The following TRMT61B variants were observed in gnomAD, a reference collection of about 807,000 sequenced individuals.
TRMT61B encodes the protein tRNA methyltransferase 61B.
TRMT61B carries 56 observed loss-of-function variants against 52.0 expected under a neutral mutation model. That is an observed-to-expected ratio of 1.08 (90% CI 0.87 to 1.35). TRMT61B has a LOEUF of 1.35. Ranked by LOEUF, TRMT61B falls within the 40% of genes most tolerant of loss-of-function variation. The pLI is 0.00. For synonymous variants in TRMT61B, 206 were observed against 220.0 expected (o/e 0.94, Z 0.56); for missense variants, 650 against 577.9 (o/e 1.12, Z -1.28).
chr2:28,855,643 G>C (rs536925068), intron 3 of TRMT61B, among the ~76,000 whole-genome samples: 2 of 152,142 alleles, frequency 1.3e-5, no homozygotes, highest in Non-Finnish European at 2.9e-5. Flanking sequence ...TAAGAATTCA[G>C]GTTTGGACAT....
chr2:28,867,030 C>T (rs1452793765), intron 1 of TRMT61B, among the ~76,000 whole-genome samples: 1 of 152,044 alleles, frequency 6.6e-6, no homozygotes, highest in Admixed American at 6.6e-5. Context: ...AACTCCTAGC[C>T]TCCAGCAATC....
chr2:28,860,826 G>A (rs959812341), intron 3 of TRMT61B, among the ~76,000 whole-genome samples: 10 of 152,150 alleles, frequency 6.6e-5, no homozygotes, highest in Non-Finnish European at 8.8e-5. Flanking sequence ...TCCAAAGTAT[G>A]ATTCATCCTA....
At chr2:28,861,677 T>C (rs1203586839) in intron 2 of TRMT61B, among the ~76,000 whole-genome samples, 1 of 152,262 alleles carries the variant, frequency 6.6e-6, no homozygotes, top group African/African-American at 2.4e-5. Flanking sequence ...TTATATTCAC[T>C]GTATGGCTAC....
intron 3 of TRMT61B, 103 bp from the exon 4 acceptor site, chr2:28,852,602 G>A (rs1316572075): frequency 2.8e-6 from 2 of 720,780 alleles, no homozygotes; most frequent in East Asian, 5.4e-5. Flanking sequence ...AGCAATCAAA[G>A]TATTTCATTT....
intron 3 of TRMT61B, among the ~76,000 whole-genome samples, chr2:28,857,239 C>CT (rs1174734351): frequency 7.9e-6 from 1 of 127,274 alleles, no homozygotes; most frequent in African/African-American, 2.7e-5. Flanking sequence ...TGGCCCACAG[C>CT]TATTTTTTTT....
Position 28,869,648 on chromosome 2 carries a change from C to T in TRMT61B, c.630G>A (p.Met210Ile). Residue 210 changes from methionine (M) to isoleucine (I), a missense_variant, in exon 1 of 7, where the codon ATG becomes ATA. Met to Ile is a conservative substitution (Grantham distance 10, BLOSUM62 1). Coordinates refer to ENST00000306108, the MANE Select transcript of TRMT61B (RefSeq NM_017910.4). ...AGTCTTCCAAGGCTGGCCTCCTCAG[C>T]ATGTACTGCTTACCGAAGGAACTCC... is the stretch of plus-strand genomic sequence containing the variant. ...ILRSSFGKQY[M>I]LRRPALEDYV... The T allele has an allele frequency of 6.2e-7, 1 of 1,614,182 alleles. No homozygotes were observed. The highest frequency in any genetic ancestry group is 8.5e-7 in the Non-Finnish European group (1 of 1,180,030).
At chr2:28,852,165 C>G (rs11690571) in intron 4 of TRMT61B, among the ~76,000 whole-genome samples, 1 of 149,996 alleles carries the variant, frequency 6.7e-6, no homozygotes, top group Non-Finnish European at 1.5e-5. Context: ...TAGAAAAAAT[C>G]AGCCGGGCGT....
chr2:28,869,290 T>G (rs1052150433), intron 1 of TRMT61B, among the ~76,000 whole-genome samples: 1 of 152,190 alleles, frequency 6.6e-6, no homozygotes, highest in Non-Finnish European at 1.5e-5. Flanking sequence ...TAGTACTTAT[T>G]ATGTACGTAG....
chr2:28,870,238 G>A lies in TRMT61B; in HGVS notation c.40C>T (p.Leu14=), dbSNP rs771836223. 17 of 1,608,822 alleles carry A rather than the reference G, an allele frequency of 1.1e-5. No individual in the cohort carries two copies. Among genetic ancestry groups the A allele is most frequent in the Non-Finnish European group, 1.4e-5 (16 of 1,178,984 alleles). The change falls in exon 1 of 7, where the codon CTG becomes TTG. Residue 14 remains leucine (L), a synonymous_variant. Coordinates refer to ENST00000306108, the MANE Select transcript of TRMT61B (RefSeq NM_017910.4). ...AWCRGPVLLC[L]RQGLGTNSFL... ...GAATTGGTTCCGAGCCCCTGCCGCA[G>A]GCACAGCAAGACAGGACCGCGGCAC...
At position 28,870,104 on chromosome 2, in the gene TRMT61B, T is replaced by A. The variant is rs745998469; in HGVS notation, c.174A>T (p.Gln58His). ...RDGEREHEAA[Q>H]RKAPGAESCP... The stretch of plus-strand genomic sequence containing the variant: ...AAGACTCTGCTCCTGGGGCTTTCCT[T>A]TGTGCCGCCTCGTGCTCTCTTTCTC... Residue 58 changes from glutamine to histidine, a missense_variant, in exon 1 of 7, where the codon CAA (glutamine) becomes CAT (histidine). Transcript: ENST00000306108. The A allele has an allele frequency of 6.2e-7, 1 of 1,614,046 alleles. No homozygotes were observed. Among genetic ancestry groups the A allele is most frequent in the South Asian group, 1.1e-5 (1 of 91,078 alleles).
At chr2:28,867,129 A>G (rs1014826461) in intron 1 of TRMT61B, among the ~76,000 whole-genome samples, 1 of 148,568 alleles carries the variant, frequency 6.7e-6, no homozygotes, top group Non-Finnish European at 1.5e-5. Context: ...AGGATCTTAC[A>G]CTGTTGCCCA....
rs1669006153 is a variant in TRMT61B at position 28,850,069 on chromosome 2, A to C, written c.*130T>G. ...ACATCTTTTAGTTGTTATTTTCAAA[A>C]TTATATGTATAAGTTATATAAGTCA... is the stretch of plus-strand genomic sequence containing the variant. On this transcript the variant is annotated 3_prime_UTR_variant, in exon 7 of 7. Coordinates refer to ENST00000306108, the MANE Select transcript of TRMT61B (RefSeq NM_017910.4). 8.6e-7 allele frequency: 1 copy of C among 1,164,260 alleles called. No homozygotes were observed. Among genetic ancestry groups the C allele is most frequent in the Non-Finnish European group, 1.2e-6 (1 of 809,078 alleles). The allele number at this position is 1,164,260 out of a possible 1,614,324, so 72.1% of individuals were successfully genotyped here.
intron 3 of TRMT61B, among the ~76,000 whole-genome samples, chr2:28,855,517 G>A (rs749814477): frequency 1.4e-4 from 21 of 152,146 alleles, no homozygotes; most frequent in Non-Finnish European, 2.6e-4. Flanking sequence ...GCTGTAGGAT[G>A]TGAGAAAAAG....
At chr2:28,857,919 C>CT (rs1486103710) in intron 3 of TRMT61B, among the ~76,000 whole-genome samples, 2 of 152,146 alleles carry the variant, frequency 1.3e-5, no homozygotes, top group African/African-American at 4.8e-5. Context: ...TCTTATAATG[C>CT]TTTTTCCACC....
intron 3 of TRMT61B, among the ~76,000 whole-genome samples, chr2:28,855,597 T>C (rs1193825768): frequency 6.6e-6 from 1 of 151,812 alleles, no homozygotes; most frequent in Non-Finnish European, 1.5e-5. Flanking sequence ...ATGAGGAAAA[T>C]GATGAAGATT....
In TRMT61B at chr2:28,870,267, G is replaced by C. The variant is rs763438127; in HGVS notation, c.11C>G (p.Ala4Gly). Residue 4 changes from alanine to glycine, a missense_variant, in exon 1 of 7, where the codon GCA becomes GGA. By Grantham distance (60) the Ala-to-Gly change is moderately conservative (BLOSUM62 0). Coordinates refer to ENST00000306108, the MANE Select transcript of TRMT61B (RefSeq NM_017910.4). MLM[A>G]WCRGPVLLCL... ...CAGCAAGACAGGACCGCGGCACCAT[G>C]CCATTAGCATAGTGTTTCGCGAAGG... is the stretch of plus-strand genomic sequence containing the variant. 9.4e-6 allele frequency: 15 copies of C among 1,589,832 alleles called. No homozygotes were observed. In the South Asian group the frequency reaches 1.7e-4, roughly 18 times the overall value.
chr2:28,849,929 A>G lies in TRMT61B; in HGVS notation c.*270T>C. 6.3e-7 allele frequency: 1 copy of G among 1,590,574 alleles called. No individual in the cohort carries two copies. Among genetic ancestry groups the G allele is most frequent in the Non-Finnish European group, 8.5e-7 (1 of 1,172,996 alleles). On this transcript the variant is annotated 3_prime_UTR_variant, in exon 7 of 7. Transcript: ENST00000306108. Reference sequence around the variant, plus strand: ...ACAAATCTATGGAGTGGTTTACAGGAAGTGAAGAATGAGATGGCCCAACTA... The same window carrying G: ...ACAAATCTATGGAGTGGTTTACAGGGAGTGAAGAATGAGATGGCCCAACTA...
At chr2:28,854,855 G>A (rs1035050478) in intron 3 of TRMT61B, among the ~76,000 whole-genome samples, 1 of 151,260 alleles carries the variant, frequency 6.6e-6, no homozygotes, top group Admixed American at 6.6e-5. Context: ...GAGAAATCAA[G>A]GCTGCAGTGA....
At chr2:28,852,169 C>T (rs1452212588) in intron 4 of TRMT61B, among the ~76,000 whole-genome samples, 3 of 150,564 alleles carry the variant, frequency 2.0e-5, no homozygotes, top group African/African-American at 7.3e-5. Context: ...AAAAATCAGC[C>T]GGGCGTGGTG....
Sources: gnomAD v4.1 joint callset for allele counts (sites outside exome capture counted in the v4.1 genomes callset) on GRCh38, gnomAD v4.1.1 for gene constraint, MANE v1.5 for transcripts, NCBI Gene and HGNC (gene_info 2026-07-23, HGNC 2026-07-21) for gene names.